Variants in HTT observed in about 807,000 individuals in gnomAD.
HTT encodes the protein huntington disease protein.
HTT carries 104 observed loss-of-function variants against 362.3 expected under a neutral mutation model. That is an observed-to-expected ratio of 0.29 (90% CI 0.24 to 0.34). HTT has a LOEUF of 0.34. HTT is among the 10% of genes least tolerant of loss of function. The pLI, the probability that HTT is intolerant of heterozygous loss-of-function variation, is 1.00. For synonymous variants in HTT, 1,577 were observed against 1,548.7 expected, an observed-to-expected ratio of 1.02 and a Z score of -0.43; for missense variants, 3,301 against 3,928.6, an observed-to-expected ratio of 0.84 and a Z score of 4.27.
chr4:3,186,767 G>A (rs2110247058), intron 38 of HTT, 48 bp downstream of exon 38: 1 of 1,598,802 alleles, frequency 6.3e-7, no homozygotes, highest in East Asian at 2.3e-5. Context: ...GGCTTGTTCA[G>A]GCTCTGATTA....
chr4:3,212,097 C>G lies in HTT; in HGVS notation c.6583C>G (p.Pro2195Ala). The G allele has an allele frequency of 6.2e-7, 1 of 1,613,910 alleles. No individual in the cohort carries two copies. The highest frequency in any genetic ancestry group is 1.1e-5 in the South Asian group (1 of 91,076). Residue 2195 changes from proline to alanine, a missense_variant, in exon 48 of 67, where the codon CCT becomes GCT. Coordinates refer to ENST00000355072, the MANE Select transcript of HTT (RefSeq NM_001388492.1). ...CCATCATGTCTTCCAGCCCGAGCTGCCTGCAGAGCCGGCGGCCTACTGGAG... is the reference window on the plus strand; with the variant it reads ...CCATCATGTCTTCCAGCCCGAGCTGGCTGCAGAGCCGGCGGCCTACTGGAG... ...AVHHVFQPEL[P>A]AEPAAYWSKL... is the part of the protein sequence containing the mutation.
chr4:3,176,153 G>A (rs1352013957), intron 33 of HTT, among the ~76,000 whole-genome samples: 7 of 150,974 alleles, frequency 4.6e-5, no homozygotes, highest in Non-Finnish European at 1.5e-5. Flanking sequence ...TCAGCCTCCC[G>A]AGTAGCTGGG....
In HTT at chr4:3,175,117, T is replaced by G; in HGVS notation, c.4407+10T>G. The stretch of plus-strand genomic sequence containing the variant: ...TCTGGATTCAGATCAGGTTTGTCAC[T>G]TTTATCTTTCATCCATCATACCTGT... On this transcript the variant is annotated intron_variant, in intron 33 of 66. Transcript: ENST00000355072. 1 of 1,606,610 alleles carries G rather than the reference T, an allele frequency of 6.2e-7. No individual in the cohort carries two copies. The highest frequency in any genetic ancestry group is 8.5e-7 in the Non-Finnish European group (1 of 1,176,706).
intron 27 of HTT, among the ~76,000 whole-genome samples, chr4:3,155,896 T>G (rs1445866446): frequency 7.1e-6 from 1 of 140,442 alleles, no homozygotes; most frequent in Non-Finnish European, 1.5e-5. Context: ...AGACTCCGTC[T>G]CAAAAAAAAA....
intron 47 of HTT, among the ~76,000 whole-genome samples, chr4:3,211,084 A>T (rs1720135724): frequency 1.3e-5 from 2 of 150,828 alleles, no homozygotes; most frequent in South Asian, 4.2e-4. Flanking sequence ...TTGTATTTTT[A>T]GTAGAGACGG....
At chr4:3,139,835 G>A (rs1716254416) in intron 21 of HTT, among the ~76,000 whole-genome samples, 1 of 151,940 alleles carries the variant, frequency 6.6e-6, no homozygotes, top group African/African-American at 2.4e-5. Context: ...TCAGTACTCT[G>A]TGGACAGACA....
intron 1 of HTT, among the ~76,000 whole-genome samples, chr4:3,085,847 T>A (rs1476464988): frequency 4.6e-5 from 7 of 152,244 alleles, no homozygotes; most frequent in Non-Finnish European, 1.0e-4. Flanking sequence ...TGTGAAGACA[T>A]CTGAAGCCAT....
Position 3,215,119 on chromosome 4 carries a change from A to G in HTT, c.6962A>G (p.Gln2321Arg). Residue 2321 changes from glutamine (Q) to arginine (R), a missense_variant, in exon 51 of 67, where the codon CAG (glutamine) becomes CGG (arginine). Gln to Arg is a conservative substitution (Grantham distance 43, BLOSUM62 1). Around this residue, in one of 4 missense-constraint regions of HTT, gnomAD observed 220 missense variants for 218.5 expected, o/e 1.01. Coordinates refer to ENST00000355072, the MANE Select transcript of HTT (RefSeq NM_001388492.1). Reference protein sequence around the residue: ...VHFILEAVAVQPGEQLLSPER... With the variant: ...VHFILEAVAVRPGEQLLSPER... ...TCTGTTGTAATTTTAGTTGCAGTGC[A>G]GCCTGGAGAGCAGCTTCTTAGTCCA... 2 of 1,613,654 alleles carry G rather than the reference A, an allele frequency of 1.2e-6. No individual in the cohort carries two copies. Among genetic ancestry groups the G allele is most frequent in the Middle Eastern group, 1.6e-4 (1 of 6,062 alleles).
chr4:3,129,836 C>T (rs987792822), intron 12 of HTT, 88 bp from the exon 13 acceptor site: 3 of 1,492,136 alleles, frequency 2.0e-6, no homozygotes, highest in Non-Finnish European at 2.8e-6. Flanking sequence ...GTAAAATGTG[C>T]TCTTTCCTCA....
chr4:3,180,937 C>A, intron 36 of HTT: 1 of 264,512 alleles, frequency 3.8e-6, no homozygotes, highest in Non-Finnish European at 7.0e-6. Flanking sequence ...AGTGTGGTGG[C>A]ACGATCTTGG....
At position 3,116,076 on chromosome 4, in the gene HTT, C is replaced by T. The variant is rs1473104565; in HGVS notation, c.890-9C>T. 1.3e-6 allele frequency: 2 copies of T among 1,598,388 alleles called. No individual in the cohort carries two copies. Among genetic ancestry groups the T allele is most frequent in the African/African-American group, 1.3e-5 (1 of 74,774 alleles). On this transcript the variant is annotated splice_polypyrimidine_tract_variant and intron_variant, in intron 7 of 66. Coordinates refer to ENST00000355072, the MANE Select transcript of HTT (RefSeq NM_001388492.1). ...CAGATGTTAAGATGTCTTGCTTCCA[C>T]CCCCACAGGCTTACTCGTTCCTGTC...
In HTT at chr4:3,122,895, G is replaced by A. The variant is rs1715357121; in HGVS notation, c.1280G>A (p.Gly427Glu). The change falls in exon 10 of 67, where the codon GGG becomes GAG. Residue 427 changes from glycine (G) to glutamate (E), a missense_variant. Around this residue, in one of 4 missense-constraint regions of HTT, gnomAD observed 2,316 missense variants for 2,658.5 expected, o/e 0.87. Coordinates refer to ENST00000355072, the MANE Select transcript of HTT (RefSeq NM_001388492.1). ...CACTTTCTGTGATTTGCAGCTGGAGGGGGTTCCTCATGCAGCCCTGTCCTT... is the reference window on the plus strand; with the variant it reads ...CACTTTCTGTGATTTGCAGCTGGAGAGGGTTCCTCATGCAGCCCTGTCCTT... Reference protein sequence around the residue: ...SGSIVELIAGGGSSCSPVLSR... With the variant: ...SGSIVELIAGEGSSCSPVLSR... 6.2e-7 allele frequency: 1 copy of A among 1,609,566 alleles called. No individual in the cohort carries two copies. The highest frequency in any genetic ancestry group is 8.5e-7 in the Non-Finnish European group (1 of 1,177,420).
rs990196135 is a variant in HTT at position 3,223,966 on chromosome 4, C to T, written c.7626-26C>T. ...GTAAGATTTTGAAGGAAACAAAACA[C>T]TCTTTACCTTTTTTCTAAAATGTAG... On this transcript the variant is annotated intron_variant, in intron 55 of 66. Transcript: ENST00000355072. 4 of 1,612,930 alleles carry T rather than the reference C, an allele frequency of 2.5e-6. No individual in the cohort carries two copies. In the African/African-American group the frequency reaches 5.3e-5, roughly 22 times the overall value.
At chr4:3,156,609 G>C (rs1305501332) in intron 27 of HTT, among the ~76,000 whole-genome samples, 1 of 152,214 alleles carries the variant, frequency 6.6e-6, no homozygotes, top group African/African-American at 2.4e-5. Context: ...GTTGTATATA[G>C]TGCTTGGCAC....
In HTT at chr4:3,180,516, C is replaced by T. The variant is rs769831958; in HGVS notation, c.4614C>T (p.Ala1538=). The T allele has an allele frequency of 3.8e-6, 6 of 1,599,554 alleles. No homozygotes were observed. The East Asian group carries it at 9.1e-5, about 24-fold the overall frequency. Residue 1538 remains alanine, a splice_region_variant and synonymous_variant, in exon 36 of 67, where the codon GCC becomes GCT. Coordinates refer to ENST00000355072, the MANE Select transcript of HTT (RefSeq NM_001388492.1). Reference sequence around the variant, plus strand: ...AAGGGTACCCTTTTGTCCCCACAGCCATACCGGCTCTGCAGCCCATAGTCC... The same window carrying T: ...AAGGGTACCCTTTTGTCCCCACAGCTATACCGGCTCTGCAGCCCATAGTCC... ...MASGRKAVTH[A]IPALQPIVHD...
At chr4:3,200,856 G>C (rs1290257519) in intron 41 of HTT, among the ~76,000 whole-genome samples, 2 of 152,242 alleles carry the variant, frequency 1.3e-5, no homozygotes, top group African/African-American at 4.8e-5. Context: ...TGAGCACTGT[G>C]GGGGCAGGAG....
chr4:3,197,500 C>G (rs573661392), intron 40 of HTT, among the ~76,000 whole-genome samples: 1 of 152,244 alleles, frequency 6.6e-6, no homozygotes, highest in Middle Eastern at 3.4e-3. Flanking sequence ...TAGGAGGTGG[C>G]CCTCAGAGTC....
intron 9 of HTT, chr4:3,121,779 T>C (rs952658142): frequency 1.1e-5 from 2 of 188,346 alleles, no homozygotes; most frequent in African/African-American, 4.8e-5. Context: ...GGTGGTAGGA[T>C]TGCTTAAGCC....
intron 55 of HTT, 127 bp downstream of exon 55, chr4:3,223,687 G>T (rs1393862703): frequency 2.2e-6 from 2 of 892,934 alleles, no homozygotes; most frequent in South Asian, 3.5e-5. Context: ...AACACCGTCC[G>T]TGTGGCCTGT....
Sources: gnomAD v4.1 joint callset for allele counts (sites outside exome capture counted in the v4.1 genomes callset) on GRCh38, gnomAD v4.1.1 for gene constraint, gnomAD v4.1.1 regional missense constraint, MANE v1.5 for transcripts, NCBI Gene and HGNC (gene_info 2026-07-23, HGNC 2026-07-21) for gene names.